NCAM1: variants seen among roughly 807,000 people sequenced by gnomAD.
NCAM1 encodes the protein antigen recognized by monoclonal antibody 5.1H11.
In NCAM1, 14 loss-of-function variants were observed where a neutral mutation model predicts 109.8. The observed-to-expected ratio is 0.13, with a 90% confidence interval of 0.08 to 0.20. The LOEUF is 0.20. Among genes scored for constraint, NCAM1 ranks in the 10% least tolerant of loss-of-function variants. The pLI, the probability that NCAM1 is intolerant of heterozygous loss-of-function variation, is 1.00. For missense variants in NCAM1, 774 were observed against 1,109.9 expected, an observed-to-expected ratio of 0.70 and a Z score of 4.30; for synonymous variants, 418 against 442.9, an observed-to-expected ratio of 0.94 and a Z score of 0.70.
At chr11:113,130,373 C>T (rs533623445) in intron 1 of NCAM1, among the ~76,000 whole-genome samples, 5 of 152,188 alleles carry the variant, frequency 3.3e-5, no homozygotes, top group Non-Finnish European at 7.3e-5. Flanking sequence ...CTGAACAAAA[C>T]AGAGAAAATC....
chr11:113,258,943 G>C (rs1945902492), intron 16 of NCAM1, among the ~76,000 whole-genome samples: 1 of 152,074 alleles, frequency 6.6e-6, no homozygotes, highest in Admixed American at 6.5e-5. Context: ...GGTTTAGTAA[G>C]AGCCTGACAA....
At chr11:113,246,145 C>T in intron 14 of NCAM1, 2 of 555,452 alleles carry the variant, frequency 3.6e-6, no homozygotes, top group Non-Finnish European at 3.2e-6. Flanking sequence ...CCAATGTTTC[C>T]TATATATGCT....
intron 1 of NCAM1, among the ~76,000 whole-genome samples, chr11:113,038,938 T>G (rs1555079592): frequency 6.6e-6 from 1 of 152,188 alleles, no homozygotes; most frequent in Non-Finnish European, 1.5e-5. Context: ...TCACAAATAC[T>G]GCGGATATGA....
At chr11:113,158,964 A>G (rs1327443196) in intron 1 of NCAM1, among the ~76,000 whole-genome samples, 2 of 152,238 alleles carry the variant, frequency 1.3e-5, no homozygotes, top group Non-Finnish European at 2.9e-5. Flanking sequence ...AATAAATAAC[A>G]CCACACTATT....
chr11:113,117,384 A>G (rs1368538900), intron 1 of NCAM1, among the ~76,000 whole-genome samples: 2 of 151,976 alleles, frequency 1.3e-5, no homozygotes, highest in African/African-American at 4.8e-5. Context: ...TTAGTGAACA[A>G]CGCCTTCCCC....
intron 1 of NCAM1, among the ~76,000 whole-genome samples, chr11:113,144,064 G>A (rs548054026): frequency 3.7e-4 from 57 of 152,262 alleles, no homozygotes; most frequent in African/African-American, 1.3e-3. Flanking sequence ...CAGTGTGTGC[G>A]TGTTACTGTG....
chr11:113,100,046 T>C (rs1263850110), intron 1 of NCAM1, among the ~76,000 whole-genome samples: 1 of 152,098 alleles, frequency 6.6e-6, no homozygotes, highest in Non-Finnish European at 1.5e-5. Flanking sequence ...CATGGAAAAA[T>C]CCCACCTTCT....
chr11:113,231,638 C>A lies in NCAM1; in HGVS notation c.1090-7C>A. 1.9e-6 allele frequency: 3 copies of A among 1,613,364 alleles called. No individual in the cohort carries two copies. Among genetic ancestry groups the A allele is most frequent in the Non-Finnish European group, 2.5e-6 (3 of 1,179,564 alleles). On this transcript the variant is annotated splice_polypyrimidine_tract_variant and splice_region_variant and intron_variant, in intron 9 of 19. Coordinates refer to ENST00000316851, the MANE Select transcript of NCAM1 (RefSeq NM_181351.5). ...TGACATGCTCCCTTCCCCCCCACCCCCGGCAGACTCTGGATGGGCACATGG... is the reference window on the plus strand; with the variant it reads ...TGACATGCTCCCTTCCCCCCCACCCACGGCAGACTCTGGATGGGCACATGG...
At chr11:113,239,382 CT>C (rs1945260598) in intron 14 of NCAM1, among the ~76,000 whole-genome samples, 1 of 152,120 alleles carries the variant, frequency 6.6e-6, no homozygotes, top group Admixed American at 6.5e-5. Context: ...CCCTCCATGA[CT>C]GAGCTACCCA....
At chr11:113,238,971 C>A (rs782354803) in intron 14 of NCAM1, among the ~76,000 whole-genome samples, 14 of 152,170 alleles carry the variant, frequency 9.2e-5, no homozygotes, top group Non-Finnish European at 1.8e-4. Flanking sequence ...GCTTGAAGTT[C>A]GTTGAGATGT....
Position 113,136,860 on chromosome 11 carries a change from G to A in NCAM1, c.53-65519G>A, listed in dbSNP as rs562391765. Among the ~76,000 whole-genome samples the A allele has an allele frequency of 2.6e-5, 4 of 152,310 alleles. No homozygotes were observed. In the South Asian group the frequency reaches 6.2e-4, roughly 24 times the overall value. On this transcript the variant is annotated intron_variant, in intron 1 of 19. Coordinates refer to ENST00000316851, the MANE Select transcript of NCAM1 (RefSeq NM_181351.5). Reference sequence around the variant, plus strand: ...AGGGATAAATGGTCCCAGTGCAAGAGGAGGAGCTGAATGGAGTGGAATGGC... The same window carrying A: ...AGGGATAAATGGTCCCAGTGCAAGAAGAGGAGCTGAATGGAGTGGAATGGC...
At chr11:113,249,609 G>A (rs1945601566) in intron 15 of NCAM1, among the ~76,000 whole-genome samples, 2 of 152,202 alleles carry the variant, frequency 1.3e-5, no homozygotes, top group African/African-American at 4.8e-5. Context: ...GGAGGCAGGA[G>A]CCGAGTTAAC....
chr11:112,990,078 G>A (rs1273837157), intron 1 of NCAM1, among the ~76,000 whole-genome samples: 1 of 152,186 alleles, frequency 6.6e-6, no homozygotes, highest in Admixed American at 6.5e-5. Flanking sequence ...TTACCAGGTG[G>A]TTTAGTGGGC....
At chr11:113,143,779 A>G (rs1941917285) in intron 1 of NCAM1, among the ~76,000 whole-genome samples, 1 of 152,180 alleles carries the variant, frequency 6.6e-6, no homozygotes, top group Non-Finnish European at 1.5e-5. Flanking sequence ...TGAAGAAGAA[A>G]AGAAAAACCA....
chr11:113,159,501 G>C (rs1942526884), intron 1 of NCAM1, among the ~76,000 whole-genome samples: 1 of 152,114 alleles, frequency 6.6e-6, no homozygotes, highest in Non-Finnish European at 1.5e-5. Context: ...GCATAGCTGG[G>C]TGAAACTTAC....
chr11:113,157,421 T>A (rs1942454996), intron 1 of NCAM1, among the ~76,000 whole-genome samples: 1 of 152,206 alleles, frequency 6.6e-6, no homozygotes, highest in Non-Finnish European at 1.5e-5. Context: ...TTGGAGCAAT[T>A]GTCAATGCAT....
At position 113,257,641 on chromosome 11, in the gene NCAM1, C is replaced by T. The variant is rs536548168; in HGVS notation, c.1953+1640C>T. Among the ~76,000 whole-genome samples the T allele has an allele frequency of 5.3e-5, 8 of 152,206 alleles. No individual in the cohort carries two copies. In the South Asian group the frequency reaches 8.3e-4, roughly 16 times the overall value. On this transcript the variant is annotated intron_variant, in intron 16 of 19. Coordinates refer to ENST00000316851, the MANE Select transcript of NCAM1 (RefSeq NM_181351.5). ...ATTAGAAAGACACAGCTGGGCACAACGCTGAAATATGTTAGATTTCAACAA... is the reference window on the plus strand; with the variant it reads ...ATTAGAAAGACACAGCTGGGCACAATGCTGAAATATGTTAGATTTCAACAA...
intron 1 of NCAM1, among the ~76,000 whole-genome samples, chr11:113,030,166 C>T (rs1185569190): frequency 1.3e-5 from 2 of 152,160 alleles, no homozygotes; most frequent in Admixed American, 1.3e-4. Context: ...TGTCTAATAC[C>T]GTTGCTGTGA....
At position 113,276,566 on chromosome 11, in the gene NCAM1, T is replaced by G. The variant is rs782631487; in HGVS notation, c.*1179T>G. The G allele has an allele frequency of 6.6e-6, 1 of 152,642 alleles. No homozygotes were observed. The highest frequency in any genetic ancestry group is 1.5e-5 in the Non-Finnish European group (1 of 68,044). The allele number at this position is 152,642 out of a possible 1,614,324, so 9.5% of individuals were successfully genotyped here. A position where few individuals can be genotyped will look rare whatever the true frequency, so the allele number is the denominator to read the frequency against. On this transcript the variant is annotated 3_prime_UTR_variant, in exon 20 of 20. Transcript: ENST00000316851. ...ACATTATTACCCCACACATCCCCTT[T>G]GTGTAGAAAGCCAAATAAAATCTAT...
Sources: gnomAD v4.1 joint callset for allele counts (sites outside exome capture counted in the v4.1 genomes callset) on GRCh38, gnomAD v4.1.1 for gene constraint, MANE v1.5 for transcripts, NCBI Gene and HGNC (gene_info 2026-07-23, HGNC 2026-07-21) for gene names.